Variants in C8orf34 observed in about 807,000 individuals in gnomAD.
C8orf34 encodes uncharacterized protein C8orf34.
In C8orf34, 65 loss-of-function variants were observed where a neutral mutation model predicts 68.3. The ratio of observed to expected loss-of-function variants is 0.95; its 90% CI spans 0.78 to 1.17. The LOEUF (loss-of-function observed/expected upper bound fraction) is 1.17, where lower values mean the gene tolerates loss of function less well. Ranked by LOEUF, C8orf34 falls within the 50% of genes most tolerant of loss-of-function variation. The pLI, the probability that C8orf34 is intolerant of heterozygous loss-of-function variation, is 0.00. For missense variants in C8orf34, 664 were observed against 655.4 expected (o/e 1.01, Z -0.14); for synonymous variants, 244 against 241.2 (o/e 1.01, Z -0.11).
intron 1 of C8orf34, among the ~76,000 whole-genome samples, chr8:68,404,463 G>T (rs1376528221): frequency 6.6e-6 from 1 of 152,114 alleles, no homozygotes; most frequent in Non-Finnish European, 1.5e-5. Context: ...CCTATGTCCT[G>T]AATGGTATTG....
chr8:68,432,225 C>T (rs193167744), intron 1 of C8orf34, among the ~76,000 whole-genome samples: 1 of 151,090 alleles, frequency 6.6e-6, no homozygotes, highest in African/African-American at 2.4e-5. Context: ...ATCTTGTATG[C>T]AATTCTTAAA....
intron 7 of C8orf34, among the ~76,000 whole-genome samples, chr8:68,613,378 G>A (rs1431526718): frequency 1.3e-5 from 2 of 151,928 alleles, no homozygotes; most frequent in African/African-American, 2.4e-5. Context: ...GTGCCATGCT[G>A]GTGTGTTGCA....
intron 5 of C8orf34, among the ~76,000 whole-genome samples, chr8:68,508,017 T>C (rs1814100509): frequency 6.6e-6 from 1 of 152,238 alleles, no homozygotes; most frequent in South Asian, 2.1e-4. Context: ...TAAGGCCTTA[T>C]CTTTCTGGCA....
intron 4 of C8orf34, among the ~76,000 whole-genome samples, chr8:68,487,299 G>A (rs1813118846): frequency 6.6e-6 from 1 of 152,076 alleles, no homozygotes; most frequent in South Asian, 2.1e-4. Flanking sequence ...AGGAGACAAA[G>A]GAGAACAGAA....
At chr8:68,618,932 C>T (rs1818307794) in intron 7 of C8orf34, among the ~76,000 whole-genome samples, 1 of 151,878 alleles carries the variant, frequency 6.6e-6, no homozygotes, top group Non-Finnish European at 1.5e-5. Flanking sequence ...GTTTTAAATA[C>T]CATGGATAAT....
chr8:68,491,774 T>C (rs778061969), intron 5 of C8orf34, among the ~76,000 whole-genome samples: 2 of 152,216 alleles, frequency 1.3e-5, no homozygotes, highest in Non-Finnish European at 2.9e-5. Flanking sequence ...ATTCACAGGT[T>C]TCGGGTATTA....
intron 1 of C8orf34, among the ~76,000 whole-genome samples, chr8:68,334,058 C>G (rs557037299): frequency 1.3e-3 from 202 of 152,288 alleles, no homozygotes; most frequent in Non-Finnish European, 2.5e-3. Context: ...ACTTGATCCT[C>G]TTTTTTACCT....
chr8:68,530,538 C>T (rs961160572), intron 6 of C8orf34: 5 of 839,260 alleles, frequency 6.0e-6, no homozygotes, highest in African/African-American at 1.8e-5. Context: ...TTGTTTACTT[C>T]TCAATGAATA....
At chr8:68,561,328 T>C (rs1480893860) in intron 7 of C8orf34, among the ~76,000 whole-genome samples, 2 of 151,850 alleles carry the variant, frequency 1.3e-5, no homozygotes, top group Non-Finnish European at 2.9e-5. Context: ...TTAATAGCAC[T>C]GAACTTAAAA....
chr8:68,672,635 T>C (rs1259769505), intron 8 of C8orf34, among the ~76,000 whole-genome samples: 2 of 152,150 alleles, frequency 1.3e-5, no homozygotes, highest in Non-Finnish European at 2.9e-5. Flanking sequence ...CAGCAAGCCT[T>C]GCCTCCATGG....
rs189732934 is a variant in C8orf34 at position 68,786,448 on chromosome 8, C to T, written c.1456-995C>T. ...GGACCTTTTTTATTATTTTTAAGGACGGAAAAGATGAAAGTATAATTATTA... is the reference window on the plus strand; with the variant it reads ...GGACCTTTTTTATTATTTTTAAGGATGGAAAAGATGAAAGTATAATTATTA... On this transcript the variant is annotated intron_variant, in intron 11 of 13. Coordinates refer to ENST00000518698, the MANE Select transcript of C8orf34 (RefSeq NM_052958.4). Among the ~76,000 whole-genome samples, 38 of 151,972 alleles carry T rather than the reference C, an allele frequency of 2.5e-4. No individual in the cohort carries two copies. The South Asian group carries it at 4.2e-3, about 17-fold the overall frequency.
At chr8:68,376,739 A>G (rs1043519664) in intron 1 of C8orf34, among the ~76,000 whole-genome samples, 1 of 152,076 alleles carries the variant, frequency 6.6e-6, no homozygotes, top group African/African-American at 2.4e-5. Context: ...TTTTGAAGGA[A>G]ACCCATACTG....
At chr8:68,367,829 G>A (rs1321354890) in intron 1 of C8orf34, among the ~76,000 whole-genome samples, 1 of 127,920 alleles carries the variant, frequency 7.8e-6, no homozygotes, top group Non-Finnish European at 1.6e-5. Flanking sequence ...CAGCGCACCA[G>A]CATGGCACAT....
At chr8:68,445,577 G>A (rs1268562321) in intron 2 of C8orf34, among the ~76,000 whole-genome samples, 2 of 152,132 alleles carry the variant, frequency 1.3e-5, no homozygotes, top group East Asian at 1.9e-4. Flanking sequence ...AACAATGTTG[G>A]TTGATTTAAA....
At chr8:68,638,307 C>CT (rs146220027) in intron 7 of C8orf34, among the ~76,000 whole-genome samples, 4 of 139,268 alleles carry the variant, frequency 2.9e-5, no homozygotes, top group South Asian at 2.3e-4. Flanking sequence ...AAAGCTAGAA[C>CT]TTTTTTTTTT....
intron 10 of C8orf34, among the ~76,000 whole-genome samples, chr8:68,726,601 T>G (rs2129526669): frequency 6.6e-6 from 1 of 152,288 alleles, no homozygotes; most frequent in Admixed American, 6.5e-5. Context: ...TATTAGTTCA[T>G]TTTCATGCTG....
At chr8:68,792,002 G>A (rs960880273) in intron 12 of C8orf34, 1 of 152,142 alleles carries the variant, frequency 6.6e-6, no homozygotes, top group East Asian at 1.9e-4. Flanking sequence ...TATCTGTATT[G>A]TCAGAAACCC....
At chr8:68,412,809 G>C (rs561316975) in intron 1 of C8orf34, among the ~76,000 whole-genome samples, 1 of 152,106 alleles carries the variant, frequency 6.6e-6, no homozygotes, top group African/African-American at 2.4e-5. Context: ...TCTCTGCCTT[G>C]AATATCCCAA....
At chr8:68,553,615 A>T (rs900068911) in intron 7 of C8orf34, among the ~76,000 whole-genome samples, 2 of 151,842 alleles carry the variant, frequency 1.3e-5, no homozygotes, top group Admixed American at 6.6e-5. Flanking sequence ...GAATCTGTCC[A>T]TTTCATCTGT....
Sources: gnomAD v4.1 joint callset for allele counts (sites outside exome capture counted in the v4.1 genomes callset) on GRCh38, gnomAD v4.1.1 for gene constraint, MANE v1.5 for transcripts, NCBI Gene and HGNC (gene_info 2026-07-23, HGNC 2026-07-21) for gene names.